ACOXL: variants seen among roughly 807,000 people sequenced by gnomAD.
ACOXL encodes the protein acyl-CoA oxidase like.
A neutral mutation model predicts 71.9 loss-of-function variants in ACOXL; 70 were observed. That is an observed-to-expected ratio of 0.97 (90% CI 0.80 to 1.19). ACOXL has a LOEUF of 1.19. ACOXL is among the 50% of genes most tolerant of loss of function. The pLI is 0.00. For synonymous variants in ACOXL, 253 were observed against 281.6 expected (o/e 0.90, Z 1.02); for missense variants, 703 against 736.3 (o/e 0.95, Z 0.52).
intron 9 of ACOXL, among the ~76,000 whole-genome samples, chr2:110,832,532 G>T (rs1227841016): frequency 7.2e-6 from 1 of 138,616 alleles, no homozygotes; most frequent in Non-Finnish European, 1.5e-5. Flanking sequence ...GCGACAGAGC[G>T]AGACTCCATC....
intron 16 of ACOXL, among the ~76,000 whole-genome samples, chr2:111,065,880 T>A (rs992585481): frequency 6.6e-6 from 1 of 152,198 alleles, no homozygotes. Flanking sequence ...TAACACGTAA[T>A]GCAAGTGAGG....
At chr2:110,826,948 C>T (rs1417984165) in intron 9 of ACOXL, among the ~76,000 whole-genome samples, 1 of 152,064 alleles carries the variant, frequency 6.6e-6, no homozygotes. Flanking sequence ...TGGGCTCGCT[C>T]TCCATGGTGA....
intron 9 of ACOXL, among the ~76,000 whole-genome samples, chr2:110,821,934 TGTG>T (rs775895124): frequency 2.7e-5 from 4 of 150,074 alleles, no homozygotes; most frequent in Non-Finnish European, 5.9e-5. Context: ...CTTCTATCAT[TGTG>T]TGTGTGTGTG....
intron 17 of ACOXL, among the ~76,000 whole-genome samples, chr2:111,108,389 T>TTTTTTG (rs2069702098): frequency 7.0e-6 from 1 of 142,714 alleles, no homozygotes; most frequent in Non-Finnish European, 1.5e-5. Flanking sequence ...TTTTTTTTTT[T>TTTTTTG]TTTTTGGAGA....
chr2:111,098,648 T>A (rs2068945455), intron 17 of ACOXL: 1 of 152,188 alleles, frequency 6.6e-6, no homozygotes, highest in Non-Finnish European at 1.5e-5. Flanking sequence ...TTAATATTGG[T>A]TTCCTAGTTT....
At chr2:110,897,036 GA>G (rs796480457) in intron 10 of ACOXL, among the ~76,000 whole-genome samples, 14 of 151,896 alleles carry the variant, frequency 9.2e-5, no homozygotes, top group African/African-American at 3.4e-4. Context: ...TGAGTTCTCT[GA>G]CCATGATGTA....
At chr2:111,069,528 C>T (rs1227789371) in intron 16 of ACOXL, among the ~76,000 whole-genome samples, 2 of 152,068 alleles carry the variant, frequency 1.3e-5, no homozygotes, top group East Asian at 3.9e-4. Flanking sequence ...TTAATTATCT[C>T]TTTAAAAATC....
intron 7 of ACOXL, among the ~76,000 whole-genome samples, chr2:110,800,789 C>G (rs74479167): frequency 0.022 from 3,370 of 152,158 alleles, 50 homozygotes; most frequent in Non-Finnish European, 0.034. Context: ...AGATGTATCT[C>G]CCGGGGGTGA....
intron 9 of ACOXL, among the ~76,000 whole-genome samples, chr2:110,818,392 T>C (rs1199240247): frequency 2.1e-4 from 3 of 14,142 alleles, no homozygotes; most frequent in Non-Finnish European, 7.0e-4. Flanking sequence ...AGACTCTGTC[T>C]CAAAAAAAAA....
intron 9 of ACOXL, among the ~76,000 whole-genome samples, chr2:110,835,897 C>T (rs1690396422): frequency 1.3e-5 from 2 of 152,154 alleles, no homozygotes; most frequent in South Asian, 2.1e-4. Flanking sequence ...TGCTGGTCCT[C>T]GTTTTTGAGG....
chr2:110,856,149 G>T (rs1693217177), intron 10 of ACOXL, among the ~76,000 whole-genome samples: 1 of 152,102 alleles, frequency 6.6e-6, no homozygotes, highest in Non-Finnish European at 1.5e-5. Flanking sequence ...TTTACAATCC[G>T]AGCTACAGAA....
At chr2:110,965,572 G>T (rs190438360) in intron 12 of ACOXL, among the ~76,000 whole-genome samples, 3 of 152,144 alleles carry the variant, frequency 2.0e-5, no homozygotes, top group Non-Finnish European at 4.4e-5. Flanking sequence ...CAAAGATATC[G>T]CTAGGTGATG....
At chr2:110,842,128 C>T (rs1167040751) in intron 10 of ACOXL, among the ~76,000 whole-genome samples, 2 of 152,090 alleles carry the variant, frequency 1.3e-5, no homozygotes, top group South Asian at 2.1e-4. Flanking sequence ...CACCTGATTT[C>T]GAAAGAAGTT....
intron 3 of ACOXL, among the ~76,000 whole-genome samples, chr2:110,788,797 C>G (rs1324751975): frequency 6.6e-6 from 1 of 152,206 alleles, no homozygotes; most frequent in Non-Finnish European, 1.5e-5. Context: ...CAAGTCCTGA[C>G]CAGGAGGACC....
chr2:110,813,505 C>T (rs916209116), intron 9 of ACOXL, among the ~76,000 whole-genome samples: 2 of 152,182 alleles, frequency 1.3e-5, no homozygotes, highest in Admixed American at 6.5e-5. Context: ...AGGAGCTTCC[C>T]AGGCTTCACT....
chr2:111,001,691 G>A (rs1042591912), intron 14 of ACOXL, among the ~76,000 whole-genome samples: 2 of 152,164 alleles, frequency 1.3e-5, no homozygotes, highest in Non-Finnish European at 2.9e-5. Context: ...ATTATATATT[G>A]GAGGACAGAT....
chr2:110,986,603 C>T (rs1039625083), intron 12 of ACOXL, among the ~76,000 whole-genome samples: 3 of 152,172 alleles, frequency 2.0e-5, no homozygotes, highest in African/African-American at 7.2e-5. Flanking sequence ...TTCTTTGAAC[C>T]GCCACAGAAG....
At chr2:110,899,611 A>T (rs1255888708) in intron 10 of ACOXL, among the ~76,000 whole-genome samples, 2 of 152,156 alleles carry the variant, frequency 1.3e-5, no homozygotes, top group Admixed American at 1.3e-4. Flanking sequence ...TTCTTCATGC[A>T]ATTTTTTAAA....
At chr2:110,987,963 C>T (rs576913030) in intron 13 of ACOXL, among the ~76,000 whole-genome samples, 1 of 152,282 alleles carries the variant, frequency 6.6e-6, no homozygotes, top group African/African-American at 2.4e-5. Flanking sequence ...ACTTAATTGA[C>T]ATTACTTAGA....
Sources: gnomAD v4.1 joint callset for allele counts (sites outside exome capture counted in the v4.1 genomes callset) on GRCh38, gnomAD v4.1.1 for gene constraint, MANE v1.5 for transcripts, NCBI Gene and HGNC (gene_info 2026-07-23, HGNC 2026-07-21) for gene names.